FGF7: variants seen among roughly 807,000 people sequenced by gnomAD.
FGF7 encodes the protein FGF-7.
FGF7 carries 6 observed loss-of-function variants against 20.5 expected under a neutral mutation model. That is an observed-to-expected ratio of 0.29 (90% confidence interval 0.16 to 0.58). The LOEUF is 0.58. Ranked by LOEUF, FGF7 falls within the 20% of genes least tolerant of loss-of-function variation. The probability of loss-of-function intolerance (pLI) is 0.90; values close to 1 mark genes in which losing one functional copy is unlikely to be tolerated. For synonymous variants in FGF7, 64 were observed against 74.7 expected (o/e 0.86, Z 0.74); for missense variants, 144 against 228.8 (o/e 0.63, Z 2.39).
At chr15:49,471,531 ATAT>A (rs1295728519) in intron 2 of FGF7, among the ~76,000 whole-genome samples, 7 of 142,312 alleles carry the variant, frequency 4.9e-5, no homozygotes, top group Non-Finnish European at 7.8e-5. Context: ...AATAATAATA[ATAT>A]GGCAAATGTA....
At chr15:49,451,811 G>A (rs1243984968) in intron 2 of FGF7, among the ~76,000 whole-genome samples, 1 of 152,058 alleles carries the variant, frequency 6.6e-6, no homozygotes, top group Admixed American at 6.6e-5. Flanking sequence ...TAGCAATCAA[G>A]AGCGGTCAAG....
chr15:49,482,795 A>T (rs1238159494), intron 2 of FGF7, among the ~76,000 whole-genome samples: 13 of 152,078 alleles, frequency 8.5e-5, no homozygotes, highest in African/African-American at 1.2e-4. Flanking sequence ...CATAAGAGCA[A>T]TGCAATAATC....
intron 2 of FGF7, among the ~76,000 whole-genome samples, chr15:49,480,589 C>A (rs1224629539): frequency 6.9e-6 from 1 of 145,624 alleles, no homozygotes; most frequent in Non-Finnish European, 1.5e-5. Context: ...TCATGCAATT[C>A]TCCTGCTTCA....
chr15:49,483,448 G>A (rs2056133345), intron 3 of FGF7, among the ~76,000 whole-genome samples, 194 bp downstream of exon 3: 1 of 151,920 alleles, frequency 6.6e-6, no homozygotes, highest in Non-Finnish European at 1.5e-5. Context: ...TTGTTCTTTG[G>A]ATTTTGGTTT....
intron 2 of FGF7, among the ~76,000 whole-genome samples, chr15:49,425,890 T>C (rs910602628): frequency 5.3e-5 from 8 of 151,700 alleles, no homozygotes; most frequent in Non-Finnish European, 8.8e-5. Flanking sequence ...AAAGTTTATC[T>C]AAGGAAATGA....
intron 2 of FGF7, among the ~76,000 whole-genome samples, chr15:49,482,908 T>G (rs964347808): frequency 3.9e-5 from 6 of 151,938 alleles, no homozygotes; most frequent in Admixed American, 6.6e-5. Context: ...TATGTAACTA[T>G]TTATTTGATA....
At chr15:49,476,786 G>T (rs1232983168) in intron 2 of FGF7, among the ~76,000 whole-genome samples, 2 of 152,150 alleles carry the variant, frequency 1.3e-5, no homozygotes, top group African/African-American at 2.4e-5. Flanking sequence ...TAGGCCAGGC[G>T]TGGTGGCTCA....
At chr15:49,481,697 C>T (rs1403821792) in intron 2 of FGF7, among the ~76,000 whole-genome samples, 1 of 152,068 alleles carries the variant, frequency 6.6e-6, no homozygotes, top group Non-Finnish European at 1.5e-5. Context: ...TAATTTGTGT[C>T]CTAAAACCAC....
At chr15:49,479,203 A>AG (rs1247723571) in intron 2 of FGF7, among the ~76,000 whole-genome samples, 1 of 152,110 alleles carries the variant, frequency 6.6e-6, no homozygotes, top group Non-Finnish European at 1.5e-5. Context: ...AATGTGCTTG[A>AG]CATATTGCCT....
intron 2 of FGF7, among the ~76,000 whole-genome samples, chr15:49,429,754 C>T (rs1185525404): frequency 6.6e-6 from 1 of 151,894 alleles, no homozygotes; most frequent in Admixed American, 6.6e-5. Flanking sequence ...ATTTTAAAAG[C>T]TTCCCCAGAT....
At chr15:49,428,317 G>T (rs1399602501) in intron 2 of FGF7, among the ~76,000 whole-genome samples, 1 of 151,856 alleles carries the variant, frequency 6.6e-6, no homozygotes, top group Non-Finnish European at 1.5e-5. Flanking sequence ...CTAATAATAA[G>T]AATACTAAAA....
intron 2 of FGF7, among the ~76,000 whole-genome samples, chr15:49,444,250 G>A (rs1313820496): frequency 6.6e-6 from 1 of 151,596 alleles, no homozygotes; most frequent in Non-Finnish European, 1.5e-5. Flanking sequence ...TGAAAAAACG[G>A]AGAATGGAAG....
chr15:49,464,044 T>C (rs974987309), intron 2 of FGF7, among the ~76,000 whole-genome samples: 1 of 152,176 alleles, frequency 6.6e-6, no homozygotes, highest in African/African-American at 2.4e-5. Flanking sequence ...TTGTGATTTT[T>C]TTTTCCATCC....
At chr15:49,458,268 C>A (rs2053495141) in intron 2 of FGF7, among the ~76,000 whole-genome samples, 1 of 151,604 alleles carries the variant, frequency 6.6e-6, no homozygotes, top group Admixed American at 6.6e-5. Context: ...AATTAATATA[C>A]TCTGGAGAAA....
At chr15:49,462,207 TG>T (rs1432202090) in intron 2 of FGF7, among the ~76,000 whole-genome samples, 1 of 152,060 alleles carries the variant, frequency 6.6e-6, no homozygotes, top group Non-Finnish European at 1.5e-5. Flanking sequence ...GGATCTGGGA[TG>T]AAAAAAAGAT....
At chr15:49,441,313 G>A (rs2051618476) in intron 2 of FGF7, among the ~76,000 whole-genome samples, 1 of 151,662 alleles carries the variant, frequency 6.6e-6, no homozygotes, top group Non-Finnish European at 1.5e-5. Context: ...AGTGTTATAG[G>A]CTCATTAGGG....
At chr15:49,457,215 G>T (rs529505577) in intron 2 of FGF7, among the ~76,000 whole-genome samples, 1 of 152,008 alleles carries the variant, frequency 6.6e-6, no homozygotes, top group African/African-American at 2.4e-5. Flanking sequence ...ATTGGAATCA[G>T]GAGAAAGTAG....
intron 2 of FGF7, among the ~76,000 whole-genome samples, chr15:49,428,465 C>T (rs547383068): frequency 1.3e-5 from 2 of 151,988 alleles, no homozygotes; most frequent in South Asian, 4.1e-4. Context: ...TCAGAACTCT[C>T]CCCATGGGGA....
chr15:49,471,765 C>A (rs1179922920), intron 2 of FGF7, among the ~76,000 whole-genome samples: 1 of 151,926 alleles, frequency 6.6e-6, no homozygotes, highest in Non-Finnish European at 1.5e-5. Context: ...GGCTAGGAAG[C>A]AGCTGAACAC....
Sources: allele counts gnomAD v4.1 joint callset (sites outside exome capture counted in the v4.1 genomes callset), GRCh38; gene constraint gnomAD v4.1.1; transcripts MANE v1.5; gene names NCBI Gene and HGNC (gene_info 2026-07-23, HGNC 2026-07-21).